FSTL5: variants seen among roughly 807,000 people sequenced by gnomAD.
FSTL5 encodes follistatin like 5, also known as follistatin-related protein 5.
In FSTL5, 62 loss-of-function variants were observed where a neutral mutation model predicts 89.1. The observed-to-expected ratio is 0.70, with a 90% CI of 0.57 to 0.86. FSTL5 has a LOEUF of 0.86. FSTL5 is among the 40% of genes least tolerant of loss of function. The pLI, the probability that FSTL5 is intolerant of heterozygous loss-of-function variation, is 0.00. For synonymous variants in FSTL5, 383 were observed against 346.2 expected, an observed-to-expected ratio of 1.11 and a Z score of -1.18; for missense variants, 1,057 against 1,001.6, an observed-to-expected ratio of 1.06 and a Z score of -0.75.
At chr4:161,771,790 G>A (rs746517984) in intron 5 of FSTL5, among the ~76,000 whole-genome samples, 11 of 152,130 alleles carry the variant, frequency 7.2e-5, no homozygotes, top group South Asian at 2.1e-4. Context: ...GCTGGGCACC[G>A]TGGCTCACGC....
At chr4:161,859,843 G>A (rs10517754) in intron 4 of FSTL5, among the ~76,000 whole-genome samples, 12,916 of 152,150 alleles carry the variant, frequency 0.085, 645 homozygotes, top group East Asian at 0.15. Flanking sequence ...ACTCAAGAGT[G>A]AAGTATTAAG....
chr4:162,059,071 A>G (rs950319715), intron 2 of FSTL5, among the ~76,000 whole-genome samples: 3 of 152,210 alleles, frequency 2.0e-5, no homozygotes, highest in African/African-American at 7.2e-5. Flanking sequence ...ATCCCACAAC[A>G]TTTAAAATGA....
intron 3 of FSTL5, chr4:162,023,059 C>T (rs1291960842): frequency 6.6e-6 from 1 of 152,120 alleles, no homozygotes; most frequent in African/African-American, 2.4e-5. Context: ...CGAAACTACA[C>T]GTGTATCCCC....
intron 4 of FSTL5, among the ~76,000 whole-genome samples, chr4:161,807,127 C>T (rs1481592643): frequency 6.6e-6 from 1 of 151,098 alleles, no homozygotes; most frequent in African/African-American, 2.4e-5. Flanking sequence ...TTTTCAAAGA[C>T]ATAATGTTGA....
chr4:161,730,018 G>C (rs1739552868), intron 6 of FSTL5, among the ~76,000 whole-genome samples: 1 of 152,164 alleles, frequency 6.6e-6, no homozygotes, highest in Non-Finnish European at 1.5e-5. Flanking sequence ...AAGTATAGGT[G>C]ATGTCAGCCT....
chr4:162,029,503 T>C (rs1169048230), intron 3 of FSTL5, among the ~76,000 whole-genome samples: 1 of 152,124 alleles, frequency 6.6e-6, no homozygotes, highest in East Asian at 1.9e-4. Flanking sequence ...ACTTTTAACA[T>C]CATGGATATG....
chr4:161,688,310 T>C (rs1462740085), intron 6 of FSTL5, among the ~76,000 whole-genome samples: 1 of 152,160 alleles, frequency 6.6e-6, no homozygotes, highest in Non-Finnish European at 1.5e-5. Flanking sequence ...CTCAGGCTCC[T>C]GTCTTCAAGT....
At chr4:161,579,078 A>G (rs1733336940) in intron 8 of FSTL5, among the ~76,000 whole-genome samples, 1 of 152,148 alleles carries the variant, frequency 6.6e-6, no homozygotes, top group Admixed American at 6.5e-5. Flanking sequence ...CCTAATTTTA[A>G]AAACCTCTCT....
chr4:161,598,953 G>A (rs1206348425), intron 7 of FSTL5, among the ~76,000 whole-genome samples: 1 of 151,896 alleles, frequency 6.6e-6, no homozygotes, highest in Non-Finnish European at 1.5e-5. Context: ...TAAATTGAGA[G>A]ACAAAATGAA....
chr4:161,965,240 T>C (rs916908788), intron 3 of FSTL5, among the ~76,000 whole-genome samples: 1 of 152,098 alleles, frequency 6.6e-6, no homozygotes, highest in South Asian at 2.1e-4. Flanking sequence ...ACCTGACCAC[T>C]CTCTGGACAC....
At chr4:161,654,361 T>C (rs1736441760) in intron 7 of FSTL5, among the ~76,000 whole-genome samples, 1 of 152,086 alleles carries the variant, frequency 6.6e-6, no homozygotes, top group African/African-American at 2.4e-5. Flanking sequence ...AGAGTATGGA[T>C]GGCAGTAAAA....
At chr4:161,783,004 A>G (rs948422499) in intron 4 of FSTL5, among the ~76,000 whole-genome samples, 4 of 152,150 alleles carry the variant, frequency 2.6e-5, no homozygotes, top group Non-Finnish European at 4.4e-5. Flanking sequence ...TCCTTTCTTC[A>G]TCTCCTCCCA....
chr4:161,814,385 C>A (rs537054051), intron 4 of FSTL5, among the ~76,000 whole-genome samples: 35 of 152,142 alleles, frequency 2.3e-4, no homozygotes, highest in Non-Finnish European at 4.6e-4. Flanking sequence ...TCAAACTGCC[C>A]TGAAAAGGAA....
At chr4:161,910,957 G>C (rs1733673907) in intron 4 of FSTL5, among the ~76,000 whole-genome samples, 1 of 152,018 alleles carries the variant, frequency 6.6e-6, no homozygotes, top group Admixed American at 6.6e-5. Flanking sequence ...TCTGTCACCT[G>C]ATAGCAACTA....
chr4:162,121,712 A>C (rs952500018), intron 1 of FSTL5, among the ~76,000 whole-genome samples: 1 of 151,778 alleles, frequency 6.6e-6, no homozygotes, highest in Non-Finnish European at 1.5e-5. Flanking sequence ...GACAGTATCT[A>C]AAAAAAAGTT....
chr4:161,661,716 T>A (rs1170862112), intron 6 of FSTL5, among the ~76,000 whole-genome samples: 1 of 152,164 alleles, frequency 6.6e-6, no homozygotes, highest in African/African-American at 2.4e-5. Context: ...AGACTAAATG[T>A]CTACCTGTTA....
chr4:161,449,184 G>A (rs1252537345), intron 15 of FSTL5, among the ~76,000 whole-genome samples: 3 of 151,930 alleles, frequency 2.0e-5, no homozygotes, highest in African/African-American at 7.3e-5. Context: ...TGTAATCACT[G>A]ACTGAAATAA....
At chr4:161,657,239 G>A (rs1736550041) in intron 6 of FSTL5, among the ~76,000 whole-genome samples, 1 of 152,134 alleles carries the variant, frequency 6.6e-6, no homozygotes, top group South Asian at 2.1e-4. Context: ...ATTATCAACT[G>A]TATCATTGTC....
chr4:161,941,406 C>A (rs1380676710), intron 3 of FSTL5, among the ~76,000 whole-genome samples: 3 of 151,566 alleles, frequency 2.0e-5, no homozygotes, highest in Admixed American at 6.6e-5. Flanking sequence ...AAGTAGTTTG[C>A]CTTAGGTTGA....
Sources: gnomAD v4.1 joint callset for allele counts (sites outside exome capture counted in the v4.1 genomes callset) on GRCh38, gnomAD v4.1.1 for gene constraint, MANE v1.5 for transcripts, NCBI Gene and HGNC (gene_info 2026-07-23, HGNC 2026-07-21) for gene names.